PTPRN2: variants seen among roughly 807,000 people sequenced by gnomAD.
PTPRN2 encodes the protein protein tyrosine phosphatase receptor type N2, also known as receptor-type tyrosine-protein phosphatase N2.
A neutral mutation model predicts 118.8 loss-of-function variants in PTPRN2; 74 were observed. That is an observed-to-expected ratio of 0.62 (90% confidence interval 0.52 to 0.76). The LOEUF (loss-of-function observed/expected upper bound fraction) is 0.76. Ranked by LOEUF, PTPRN2 falls within the 30% of genes least tolerant of loss-of-function variation. The pLI is 0.00. For synonymous variants in PTPRN2, 641 were observed against 608.0 expected (o/e 1.05, Z -0.80); for missense variants, 1,481 against 1,394.4 (o/e 1.06, Z -0.99).
At chr7:158,201,314 C>T (rs1230698816) in intron 4 of PTPRN2, among the ~76,000 whole-genome samples, 2 of 152,120 alleles carry the variant, frequency 1.3e-5, no homozygotes, top group East Asian at 3.8e-4. Context: ...GTCCAAATTC[C>T]TATCTAAGAG....
chr7:157,669,845 A>G (rs1375608919), intron 13 of PTPRN2, among the ~76,000 whole-genome samples: 1 of 152,038 alleles, frequency 6.6e-6, no homozygotes, highest in Non-Finnish European at 1.5e-5. Context: ...GTCCCCACAC[A>G]ACCTCGAGGC....
chr7:157,712,608 A>G (rs764001006), intron 12 of PTPRN2, among the ~76,000 whole-genome samples: 2 of 152,076 alleles, frequency 1.3e-5, no homozygotes, highest in Non-Finnish European at 2.9e-5. Flanking sequence ...AAAATTAGCC[A>G]GGCGTGGTGG....
At chr7:158,229,719 G>A (rs1829043478) in intron 3 of PTPRN2, among the ~76,000 whole-genome samples, 1 of 151,784 alleles carries the variant, frequency 6.6e-6, no homozygotes, top group Admixed American at 6.6e-5. Context: ...AGAATGAAGA[G>A]GGATGAAGAC....
intron 11 of PTPRN2, among the ~76,000 whole-genome samples, chr7:158,046,598 T>G (rs1808898024): frequency 6.6e-6 from 1 of 152,122 alleles, no homozygotes; most frequent in South Asian, 2.1e-4. Context: ...CCCAGCTGGT[T>G]TCTAAGAATG....
intron 17 of PTPRN2, 105 bp downstream of exon 17, chr7:157,595,133 T>C: frequency 2.0e-6 from 2 of 1,010,490 alleles, no homozygotes; most frequent in South Asian, 2.7e-5. Context: ...TTGATGAGCA[T>C]TTGTAAGAAG....
At chr7:157,621,206 C>G (rs1256748645) in intron 15 of PTPRN2, among the ~76,000 whole-genome samples, 156 bp downstream of exon 15, 2 of 151,790 alleles carry the variant, frequency 1.3e-5, no homozygotes, top group Non-Finnish European at 2.9e-5. Flanking sequence ...TAACCCAGGC[C>G]TCCCGTCCCC....
intron 12 of PTPRN2, among the ~76,000 whole-genome samples, chr7:157,862,083 G>T (rs992046640): frequency 1.3e-5 from 2 of 150,240 alleles, no homozygotes; most frequent in Admixed American, 1.3e-4. Context: ...CTGTGTGCCG[G>T]AGTCTGTCCT....
intron 3 of PTPRN2, among the ~76,000 whole-genome samples, chr7:158,283,069 A>G (rs911148953): frequency 6.6e-6 from 1 of 152,220 alleles, no homozygotes; most frequent in African/African-American, 2.4e-5. Context: ...CTCAGCTCTC[A>G]GGAGGAAAAC....
intron 14 of PTPRN2, among the ~76,000 whole-genome samples, chr7:157,626,019 A>G (rs2150655737): frequency 6.6e-6 from 1 of 152,300 alleles, no homozygotes; most frequent in Non-Finnish European, 1.5e-5. Flanking sequence ...TTACTGCTTT[A>G]AAGTGAAAAA....
At chr7:158,179,704 G>A (rs1824525621) in intron 5 of PTPRN2, among the ~76,000 whole-genome samples, 1 of 152,164 alleles carries the variant, frequency 6.6e-6, no homozygotes, top group Non-Finnish European at 1.5e-5. Context: ...CTCAACTTCA[G>A]AGGCCGGGCT....
chr7:157,910,934 C>G (rs1047777709), intron 11 of PTPRN2, among the ~76,000 whole-genome samples: 1 of 152,246 alleles, frequency 6.6e-6, no homozygotes, highest in African/African-American at 2.4e-5. Flanking sequence ...AACCCTGGAA[C>G]ATAACTGCTT....
intron 12 of PTPRN2, among the ~76,000 whole-genome samples, chr7:157,840,392 CTG>C (rs1388519222): frequency 1.5e-5 from 2 of 131,998 alleles, no homozygotes; most frequent in Non-Finnish European, 3.0e-5. Context: ...CCGCGTGTGA[CTG>C]TGTGACCGTG....
chr7:158,315,759 G>A (rs1802268081), intron 3 of PTPRN2, among the ~76,000 whole-genome samples: 1 of 152,242 alleles, frequency 6.6e-6, no homozygotes, highest in Non-Finnish European at 1.5e-5. Context: ...CTGGGGAAGA[G>A]ACATATTAGA....
At chr7:158,320,011 C>T (rs1274257714) in intron 2 of PTPRN2, among the ~76,000 whole-genome samples, 13 of 39,220 alleles carry the variant, frequency 3.3e-4, no homozygotes, top group Admixed American at 5.5e-4. Flanking sequence ...ACTCACACAG[C>T]CTCCCTCATA....
At chr7:158,403,218 G>C (rs1813080064) in intron 2 of PTPRN2, among the ~76,000 whole-genome samples, 1 of 152,216 alleles carries the variant, frequency 6.6e-6, no homozygotes, top group East Asian at 1.9e-4. Context: ...ATCAGGCCAG[G>C]GGAGCACATG....
At chr7:158,532,230 T>C (rs1441052314) in intron 1 of PTPRN2, among the ~76,000 whole-genome samples, 1 of 152,194 alleles carries the variant, frequency 6.6e-6, no homozygotes, top group Non-Finnish European at 1.5e-5. Context: ...AAAAAGATCC[T>C]CAGCTCGTCG....
At chr7:158,008,948 G>T (rs1224576126) in intron 11 of PTPRN2, among the ~76,000 whole-genome samples, 1 of 152,154 alleles carries the variant, frequency 6.6e-6, no homozygotes, top group African/African-American at 2.4e-5. Context: ...ATGAGACACA[G>T]GCTTTCTCCT....
intron 11 of PTPRN2, among the ~76,000 whole-genome samples, chr7:158,036,269 G>T (rs537552125): frequency 2.0e-5 from 3 of 152,226 alleles, no homozygotes; most frequent in East Asian, 1.9e-4. Context: ...AACACAAAAT[G>T]CCAGAATTGA....
intron 22 of PTPRN2, among the ~76,000 whole-genome samples, chr7:157,541,485 G>A (rs956283105): frequency 2.6e-5 from 4 of 152,230 alleles, no homozygotes; most frequent in Non-Finnish European, 5.9e-5. Context: ...AGGACTATTC[G>A]CTCCTCCAAA....
Sources: gnomAD v4.1 joint callset for allele counts (sites outside exome capture counted in the v4.1 genomes callset) on GRCh38, gnomAD v4.1.1 for gene constraint, MANE v1.5 for transcripts, NCBI Gene and HGNC (gene_info 2026-07-23, HGNC 2026-07-21) for gene names.